C8orf34: variants seen among roughly 807,000 people sequenced by gnomAD.
The protein encoded by C8orf34 is chromosome 8 open reading frame 34, also known as uncharacterized protein C8orf34.
Under a neutral mutation model 68.3 loss-of-function variants are expected in C8orf34, and 65 were observed. That is an observed-to-expected ratio of 0.95 (90% confidence interval 0.78 to 1.17). The LOEUF is 1.17. Ranked by LOEUF, C8orf34 falls within the 50% of genes most tolerant of loss-of-function variation. C8orf34 has a pLI of 0.00. For missense variants in C8orf34, 664 were observed against 655.4 expected, an observed-to-expected ratio of 1.01 and a Z score of -0.14; for synonymous variants, 244 against 241.2, an observed-to-expected ratio of 1.01 and a Z score of -0.11.
chr8:68,733,635 C>A (rs1250602560), intron 10 of C8orf34, among the ~76,000 whole-genome samples: 3 of 151,782 alleles, frequency 2.0e-5, no homozygotes, highest in African/African-American at 7.3e-5. Flanking sequence ...AGACCTTTTC[C>A]CAGAATACAA....
At chr8:68,405,932 G>A (rs1399496213) in intron 1 of C8orf34, among the ~76,000 whole-genome samples, 3 of 152,060 alleles carry the variant, frequency 2.0e-5, no homozygotes, top group Non-Finnish European at 2.9e-5. Context: ...GTATCACAAA[G>A]CATACAAAAA....
chr8:68,534,798 C>G (rs1815394175), intron 7 of C8orf34: 2 of 985,274 alleles, frequency 2.0e-6, no homozygotes, highest in Middle Eastern at 5.2e-4. Flanking sequence ...CCACTCCATG[C>G]TGGTACTCCC....
intron 1 of C8orf34, among the ~76,000 whole-genome samples, chr8:68,354,763 A>G (rs1806675654): frequency 6.6e-6 from 1 of 152,136 alleles, no homozygotes. Context: ...GTCATACATT[A>G]TATCATGCCC....
chr8:68,767,762 C>A (rs573269190), intron 10 of C8orf34, among the ~76,000 whole-genome samples: 1 of 152,302 alleles, frequency 6.6e-6, no homozygotes, highest in Admixed American at 6.5e-5. Flanking sequence ...ACCTCAGTCT[C>A]CCAAGTAGCT....
At chr8:68,413,058 C>G (rs1809511492) in intron 1 of C8orf34, among the ~76,000 whole-genome samples, 1 of 152,190 alleles carries the variant, frequency 6.6e-6, no homozygotes, top group South Asian at 2.1e-4. Context: ...ACCTGTGCAG[C>G]TGAACACGGT....
intron 10 of C8orf34, among the ~76,000 whole-genome samples, chr8:68,728,809 G>A (rs986071171): frequency 6.6e-6 from 1 of 152,194 alleles, no homozygotes; most frequent in Non-Finnish European, 1.5e-5. Context: ...ATATCATTGT[G>A]TTTTGTTGAT....
rs1372529623 is a variant in C8orf34, at chr8:68,728,495, T to C, written c.1404+7058T>C. On this transcript the variant is annotated intron_variant, in intron 10 of 13. Coordinates refer to ENST00000518698, the MANE Select transcript of C8orf34 (RefSeq NM_052958.4). ...CAATGCCCCACTCTACTGGTACCAA[T>C]TTACTGTATTAGTCTGTTTTCACGC... Among the ~76,000 whole-genome samples, 3 of 152,156 alleles carry C rather than the reference T, an allele frequency of 2.0e-5. No individual in the cohort carries two copies. The South Asian group carries it at 6.2e-4, about 32-fold the overall frequency.
chr8:68,420,232 G>T (rs1809901475), intron 1 of C8orf34, among the ~76,000 whole-genome samples: 1 of 151,116 alleles, frequency 6.6e-6, no homozygotes, highest in South Asian at 2.1e-4. Context: ...ACTAGGGACT[G>T]TCAGGAGTAA....
At chr8:68,572,924 G>T (rs1454410808) in intron 7 of C8orf34, among the ~76,000 whole-genome samples, 1 of 152,040 alleles carries the variant, frequency 6.6e-6, no homozygotes, top group Non-Finnish European at 1.5e-5. Context: ...GTGTCCTGAG[G>T]CATCCCTCAA....
intron 7 of C8orf34, among the ~76,000 whole-genome samples, chr8:68,536,545 C>T (rs770943026): frequency 4.6e-5 from 7 of 151,460 alleles, no homozygotes; most frequent in Admixed American, 6.6e-5. Flanking sequence ...TGTTGAAAGG[C>T]GAGTTTCAGT....
chr8:68,331,493 C>G (rs1031158083), intron 1 of C8orf34, 154 bp downstream of exon 1: 4 of 840,408 alleles, frequency 4.8e-6, no homozygotes, highest in Non-Finnish European at 7.7e-6. Context: ...GGCATTCGCT[C>G]TGTCCCGGCC....
chr8:68,522,434 C>A (rs1050833373), intron 6 of C8orf34, among the ~76,000 whole-genome samples: 6 of 152,162 alleles, frequency 3.9e-5, no homozygotes, highest in African/African-American at 1.4e-4. Flanking sequence ...TAGTTAGAAC[C>A]ATTTAAGTTT....
chr8:68,392,803 G>A (rs1333119945), intron 1 of C8orf34, among the ~76,000 whole-genome samples: 1 of 152,014 alleles, frequency 6.6e-6, no homozygotes, highest in East Asian at 1.9e-4. Context: ...TCTTTCATAG[G>A]TTATTATGAT....
chr8:68,806,082 AT>A (rs902412159), intron 12 of C8orf34, among the ~76,000 whole-genome samples: 2 of 152,024 alleles, frequency 1.3e-5, no homozygotes, highest in African/African-American at 4.8e-5. Flanking sequence ...GTCCTTTTAT[AT>A]TTTAGCTTTG....
chr8:68,558,990 C>G lies in C8orf34; in HGVS notation c.1105+25841C>G, dbSNP rs1199547946. On this transcript the variant is annotated intron_variant, in intron 7 of 13. Coordinates refer to ENST00000518698, the MANE Select transcript of C8orf34 (RefSeq NM_052958.4). The stretch of plus-strand genomic sequence containing the variant: ...ACTGGGAGAATCACAGAAGGCATCA[C>G]AGAAGACATGATTAACAAGATCTTG... Among the ~76,000 whole-genome samples the G allele has an allele frequency of 2.6e-5, 4 of 152,264 alleles. No homozygotes were observed. In the East Asian group the frequency reaches 7.7e-4, roughly 29 times the overall value.
chr8:68,707,618 C>G (rs1821204940), intron 8 of C8orf34, among the ~76,000 whole-genome samples: 1 of 151,962 alleles, frequency 6.6e-6, no homozygotes, highest in Non-Finnish European at 1.5e-5. Flanking sequence ...CTCTGTCACC[C>G]CAGTTGGAGT....
intron 8 of C8orf34, among the ~76,000 whole-genome samples, chr8:68,663,407 T>C (rs927688500): frequency 6.6e-6 from 1 of 152,208 alleles, no homozygotes; most frequent in African/African-American, 2.4e-5. Context: ...CCAGAACTCA[T>C]GAAAGGTAGA....
At chr8:68,728,051 C>G (rs1821882405) in intron 10 of C8orf34, among the ~76,000 whole-genome samples, 1 of 152,182 alleles carries the variant, frequency 6.6e-6, no homozygotes, top group Non-Finnish European at 1.5e-5. Context: ...TTCCAAACTT[C>G]TATGCTCTGC....
chr8:68,514,882 A>C (rs929446606), intron 5 of C8orf34, among the ~76,000 whole-genome samples: 18 of 152,164 alleles, frequency 1.2e-4, no homozygotes, highest in African/African-American at 4.1e-4. Context: ...AGAAAATAGA[A>C]GTTCATCAAG....
Sources: allele counts gnomAD v4.1 joint callset (sites outside exome capture counted in the v4.1 genomes callset), GRCh38; gene constraint gnomAD v4.1.1; transcripts MANE v1.5; gene names NCBI Gene and HGNC (gene_info 2026-07-23, HGNC 2026-07-21).